NPY1R: variants seen among roughly 807,000 people sequenced by gnomAD.
The protein encoded by NPY1R is neuropeptide Y receptor Y1.
In NPY1R, 10 loss-of-function variants were observed where a neutral mutation model predicts 24.1. The observed-to-expected ratio is 0.42, with a 90% CI of 0.26 to 0.71. The LOEUF is 0.71. Among genes scored for constraint, NPY1R ranks in the 30% least tolerant of loss-of-function variants. NPY1R has a pLI of 0.28. For synonymous variants in NPY1R, 168 were observed against 165.9 expected, an observed-to-expected ratio of 1.01 and a Z score of -0.10; for missense variants, 350 against 458.0, an observed-to-expected ratio of 0.76 and a Z score of 2.15.
upstream of NPY1R, among the ~76,000 whole-genome samples, chr4:163,337,246 T>C (rs779691616): frequency 1.3e-5 from 2 of 152,226 alleles, no homozygotes; most frequent in African/African-American, 2.4e-5. Flanking sequence ...GCATAGCATG[T>C]AGGTTAAAGC....
chr4:163,332,119 A>G (rs1332746276), intron 1 of NPY1R, among the ~76,000 whole-genome samples: 2 of 152,324 alleles, frequency 1.3e-5, no homozygotes, highest in East Asian at 3.9e-4. Flanking sequence ...AAGGAAAATG[A>G]GCGGGTGTGG....
At chr4:163,335,678 C>T (rs1734825352), upstream of NPY1R, among the ~76,000 whole-genome samples, 1 of 151,916 alleles carries the variant, frequency 6.6e-6, no homozygotes, top group East Asian at 1.9e-4. Context: ...TGAAGCACGT[C>T]AGTGAATCAG....
chr4:163,328,396 T>C (rs4691910), intron 1 of NPY1R, among the ~76,000 whole-genome samples: 126,720 of 152,186 alleles, frequency 0.83, 53,311 homozygotes, highest in East Asian at 0.96. Flanking sequence ...TTTGGAAATC[T>C]CTTATTTTAA....
intron 1 of NPY1R, among the ~76,000 whole-genome samples, chr4:163,343,460 TTTTC>T (rs376912192): frequency 3.3e-5 from 5 of 151,890 alleles, no homozygotes; most frequent in Non-Finnish European, 7.4e-5. Context: ...GTTTTGTCTT[TTTTC>T]TTTCTTTCTT....
intron 1 of NPY1R, among the ~76,000 whole-genome samples, chr4:163,341,418 T>G (rs1313075243): frequency 6.6e-6 from 1 of 152,148 alleles, no homozygotes; most frequent in African/African-American, 2.4e-5. Context: ...AAGTCAAATA[T>G]CATTTGAGAT....
intron 1 of NPY1R, among the ~76,000 whole-genome samples, chr4:163,327,091 T>G (rs1391023560): frequency 6.6e-6 from 1 of 151,604 alleles, no homozygotes; most frequent in East Asian, 1.9e-4. Flanking sequence ...CAAAAGAAAA[T>G]AAATTACCTA....
At position 163,325,268 on chromosome 4, in the gene NPY1R, C is replaced by T. The variant is rs1217979070; in HGVS notation, c.*35G>A. 6.8e-7 allele frequency: 1 copy of T among 1,463,186 alleles called. No individual in the cohort carries two copies. The highest frequency in any genetic ancestry group is 2.0e-5 in the Admixed American group (1 of 51,228). The allele number at this position is 1,463,186 out of a possible 1,614,324, so 90.6% of individuals were successfully genotyped here. On this transcript the variant is annotated 3_prime_UTR_variant, in exon 3 of 3. Coordinates refer to ENST00000296533, the MANE Select transcript of NPY1R (RefSeq NM_000909.6). ...GTTGCAGGTTGTGCTTGTTTTTAAA[C>T]AGATGTCATCCGGGACCATAGGCTA...
intron 1 of NPY1R, chr4:163,331,156 T>C (rs1734718342): frequency 6.6e-6 from 1 of 152,246 alleles, no homozygotes; most frequent in South Asian, 2.1e-4. Flanking sequence ...AACAAACAGC[T>C]ACTGCTTTTC....
At chr4:163,331,976 G>A (rs1734741754) in intron 1 of NPY1R, among the ~76,000 whole-genome samples, 1 of 152,154 alleles carries the variant, frequency 6.6e-6, no homozygotes, top group Non-Finnish European at 1.5e-5. Context: ...CTCCCAGCCC[G>A]ACACCTGCCG....
chr4:163,343,760 G>C (rs951636317), intron 1 of NPY1R, among the ~76,000 whole-genome samples: 7 of 152,114 alleles, frequency 4.6e-5, no homozygotes, highest in Admixed American at 6.5e-5. Flanking sequence ...GTAGGTCTGG[G>C]ACGCCCCCGG....
chr4:163,334,952 A>T (rs1409206563), upstream of NPY1R, among the ~76,000 whole-genome samples: 1 of 152,150 alleles, frequency 6.6e-6, no homozygotes. Context: ...CCAATGTGAA[A>T]AATAGAGAAA....
intron 1 of NPY1R, among the ~76,000 whole-genome samples, chr4:163,327,785 G>A (rs1304912213): frequency 6.6e-6 from 1 of 152,058 alleles, no homozygotes; most frequent in Non-Finnish European, 1.5e-5. Flanking sequence ...CAGACTTGTA[G>A]AGTTTTAAAA....
At chr4:163,336,854 G>A (rs141783083), upstream of NPY1R, among the ~76,000 whole-genome samples, 10 of 152,280 alleles carry the variant, frequency 6.6e-5, no homozygotes, top group East Asian at 1.7e-3. Flanking sequence ...CCAGCTACTC[G>A]GGAGGCTGAA....
At chr4:163,331,867 G>A (rs111837690) in intron 1 of NPY1R, among the ~76,000 whole-genome samples, 1 of 152,332 alleles carries the variant, frequency 6.6e-6, no homozygotes, top group African/African-American at 2.4e-5. Flanking sequence ...CCGGTACTGC[G>A]GAGCGCGGCT....
At chr4:163,326,816 T>C (rs939948446) in intron 1 of NPY1R, 111 bp from the exon 2 acceptor site, 2 of 307,782 alleles carry the variant, frequency 6.5e-6, no homozygotes, top group Admixed American at 4.5e-5. Context: ...ATAAACAAAA[T>C]GTAATCTTGT....
chr4:163,339,502 T>C (rs1366707965), intron 1 of NPY1R, among the ~76,000 whole-genome samples: 1 of 152,076 alleles, frequency 6.6e-6, no homozygotes. Flanking sequence ...GTGACTGTTT[T>C]TTTTTCATCT....
Position 163,326,681 on chromosome 4 carries a change from T to C in NPY1R, c.-127A>G. 2 of 631,598 alleles carry C rather than the reference T, an allele frequency of 3.2e-6. No homozygotes were observed. Among genetic ancestry groups the C allele is most frequent in the Non-Finnish European group, 5.5e-6 (2 of 365,772 alleles). 39.1% of individuals were successfully genotyped at this position (631,598 alleles called of 1,614,324 possible). A position where few individuals can be genotyped will look rare whatever the true frequency, so the allele number is the denominator to read the frequency against. On this transcript the variant is annotated 5_prime_UTR_variant, in exon 2 of 3. Coordinates refer to ENST00000296533, the MANE Select transcript of NPY1R (RefSeq NM_000909.6). Reference sequence around the variant, plus strand: ...TCCATTTACCAAAATTATTCTGAATTCTTCATTCCCTTGAACTGAACAATC... The same window carrying C: ...TCCATTTACCAAAATTATTCTGAATCCTTCATTCCCTTGAACTGAACAATC...
chr4:163,328,916 ATTAGAC>A (rs1010796167), intron 1 of NPY1R, among the ~76,000 whole-genome samples: 2 of 152,176 alleles, frequency 1.3e-5, no homozygotes, highest in African/African-American at 2.4e-5. Context: ...CCTTGCAAGT[ATTAGAC>A]TTAGAATAAA....
At chr4:163,337,379 C>T (rs537566652), upstream of NPY1R, among the ~76,000 whole-genome samples, 1 of 152,290 alleles carries the variant, frequency 6.6e-6, no homozygotes, top group South Asian at 2.1e-4. Flanking sequence ...TTTTGAAATT[C>T]CACCCCTCTC....
Sources: gnomAD v4.1 joint callset for allele counts (sites outside exome capture counted in the v4.1 genomes callset) on GRCh38, gnomAD v4.1.1 for gene constraint, MANE v1.5 for transcripts, NCBI Gene and HGNC (gene_info 2026-07-23, HGNC 2026-07-21) for gene names.